BPTF: variants seen among roughly 807,000 people sequenced by gnomAD.
BPTF encodes bromodomain PHD finger transcription factor.
In BPTF, 18 loss-of-function variants were observed where a neutral mutation model predicts 292.5. That is an observed-to-expected ratio of 0.06 (90% CI 0.04 to 0.09). The LOEUF (loss-of-function observed/expected upper bound fraction) is 0.09. Ranked by LOEUF, BPTF falls within the 10% of genes least tolerant of loss-of-function variation. The pLI, the probability that BPTF is intolerant of heterozygous loss-of-function variation, is 1.00. For synonymous variants in BPTF, 1,225 were observed against 1,251.9 expected, an observed-to-expected ratio of 0.98 and a Z score of 0.45; for missense variants, 2,726 against 3,498.7, an observed-to-expected ratio of 0.78 and a Z score of 5.57.
intron 17 of BPTF, among the ~76,000 whole-genome samples, chr17:67,930,630 A>G (rs2064296094): frequency 6.6e-6 from 1 of 152,170 alleles, no homozygotes. Flanking sequence ...AAAATAAAAT[A>G]CTTTCTAGTT....
intron 22 of BPTF, 69 bp downstream of exon 22, chr17:67,947,877 G>C: frequency 7.0e-7 from 1 of 1,426,622 alleles, no homozygotes; most frequent in Non-Finnish European, 9.5e-7. Flanking sequence ...ACAGAGTTCT[G>C]AGTTTATACT....
rs1268166518 is a variant in BPTF, at chr17:67,931,927, A to G, written c.6167A>G (p.Gln2056Arg). The change falls in exon 18 of 28, where the codon CAG (glutamine) becomes CGG (arginine). Residue 2056 changes from glutamine (Q) to arginine (R), a missense_variant. Transcript: ENST00000306378. Reference protein sequence around the residue: ...TSNSQVITGPQIRPGMTVIRT... With the variant: ...TSNSQVITGPRIRPGMTVIRT... ...CATTTATAGGTAATCACAGGGCCTC[A>G]GATTCGCCCTGGTATGACCGTGATT... The G allele has an allele frequency of 6.2e-7, 1 of 1,612,890 alleles. No individual in the cohort carries two copies. The highest frequency in any genetic ancestry group is 8.5e-7 in the Non-Finnish European group (1 of 1,179,542).
chr17:67,862,588 C>G (rs546261167), intron 2 of BPTF, among the ~76,000 whole-genome samples: 1 of 152,074 alleles, frequency 6.6e-6, no homozygotes, highest in Non-Finnish European at 1.5e-5. Context: ...GCTGCTTGAC[C>G]AAGAGCTTAG....
rs1283300627 is a variant in BPTF at position 67,918,800 on chromosome 17, C to T, written c.5390C>T (p.Ala1797Val). 4.3e-6 allele frequency: 7 copies of T among 1,613,350 alleles called. No homozygotes were observed. Among genetic ancestry groups the T allele is most frequent in the African/African-American group, 1.3e-5 (1 of 74,832 alleles). ...GCAAGTTTGAGATGGGATGATATGG[C>T]GGCCAAGGCTCCTCCAGGAGGAGGG... ...LWASLRWDDMAAKAPPGGGTT... is the reference protein window; with the variant it reads ...LWASLRWDDMVAKAPPGGGTT... Residue 1797 changes from alanine (A) to valine (V), a missense_variant, in exon 12 of 28, where the codon GCG becomes GTG. Ala to Val is a moderately conservative substitution (Grantham distance 64). This residue lies in a region of BPTF where 198 missense variants were observed against 277.1 expected (regional missense o/e 0.71). Coordinates refer to ENST00000306378, the MANE Select transcript of BPTF (RefSeq NM_182641.4).
At chr17:67,971,542 A>T (rs1264669470) in intron 26 of BPTF, among the ~76,000 whole-genome samples, 1 of 151,792 alleles carries the variant, frequency 6.6e-6, no homozygotes, top group East Asian at 1.9e-4. Flanking sequence ...ACGGTGGCTC[A>T]TGCCTGTAAT....
At chr17:67,896,046 T>G (rs1487475493) in intron 7 of BPTF, among the ~76,000 whole-genome samples, 2 of 150,182 alleles carry the variant, frequency 1.3e-5, no homozygotes, top group African/African-American at 2.5e-5. Flanking sequence ...TCACTGCAGC[T>G]CCGCCTCCCG....
At chr17:67,855,478 C>T (rs2058636117) in intron 2 of BPTF, among the ~76,000 whole-genome samples, 1 of 152,020 alleles carries the variant, frequency 6.6e-6, no homozygotes. Context: ...AAGAAAATAC[C>T]TAGTTGTCTA....
chr17:67,901,445 A>G (rs944910930), intron 7 of BPTF, among the ~76,000 whole-genome samples: 1 of 152,234 alleles, frequency 6.6e-6, no homozygotes, highest in African/African-American at 2.4e-5. Flanking sequence ...GTGGATACAT[A>G]TATTTAAAAT....
intron 26 of BPTF, chr17:67,975,128 A>G (rs181877797): frequency 2.0e-5 from 3 of 152,296 alleles, no homozygotes; most frequent in Admixed American, 2.0e-4. Context: ...GGGGACAAAA[A>G]CCAAATATAT....
intron 1 of BPTF, among the ~76,000 whole-genome samples, chr17:67,826,996 T>C (rs1409742674): frequency 6.6e-6 from 1 of 152,192 alleles, no homozygotes; most frequent in Non-Finnish European, 1.5e-5. Flanking sequence ...TGCTGTTAAA[T>C]GGCTGATTAA....
chr17:67,885,259 C>G (rs1371187134), intron 4 of BPTF, among the ~76,000 whole-genome samples: 2 of 152,142 alleles, frequency 1.3e-5, no homozygotes, highest in Non-Finnish European at 2.9e-5. Context: ...GAACTATACT[C>G]TTAGTGATAC....
chr17:67,844,395 C>T (rs1056371411), intron 1 of BPTF, among the ~76,000 whole-genome samples: 1 of 151,176 alleles, frequency 6.6e-6, no homozygotes, highest in Non-Finnish European at 1.5e-5. Context: ...CTACAGGCGC[C>T]CGCCACCACG....
chr17:67,923,611 C>G (rs1396127892), intron 14 of BPTF, among the ~76,000 whole-genome samples: 2 of 148,204 alleles, frequency 1.3e-5, no homozygotes, highest in Non-Finnish European at 3.0e-5. Flanking sequence ...TCCTGAGTAG[C>G]TGGGATTACG....
chr17:67,876,159 G>A (rs905662758), intron 4 of BPTF, among the ~76,000 whole-genome samples: 9 of 152,130 alleles, frequency 5.9e-5, no homozygotes, highest in Admixed American at 1.3e-4. Flanking sequence ...ATTTCAAACC[G>A]TAGTATTATG....
intron 2 of BPTF, among the ~76,000 whole-genome samples, chr17:67,865,525 A>G (rs752996633): frequency 3.3e-5 from 5 of 152,330 alleles, no homozygotes; most frequent in Middle Eastern, 3.4e-3. Context: ...CCATGTCCAC[A>G]TATCTTACAA....
chr17:67,854,055 A>G lies in BPTF; in HGVS notation c.729A>G (p.Ile243Met). 1 of 1,614,190 alleles carries G rather than the reference A, an allele frequency of 6.2e-7. No homozygotes were observed. Among genetic ancestry groups the G allele is most frequent in the Non-Finnish European group, 8.5e-7 (1 of 1,180,034 alleles). Residue 243 changes from isoleucine (I) to methionine (M), a missense_variant, in exon 2 of 28, where the codon ATA becomes ATG. Physicochemically the swap from Ile to Met is conservative, Grantham distance 10. Around this residue, in one of 22 missense-constraint regions of BPTF, gnomAD observed 102 missense variants for 212.6 expected, o/e 0.48. Coordinates refer to ENST00000306378, the MANE Select transcript of BPTF (RefSeq NM_182641.4). This position sits in a 1 kb window ranked among gnomAD's most constrained non-coding sequence, Gnocchi z 5.6. ...ATTTAATGGTGCCTAATGAGCATAT[A>G]ATGAATGTCATTGCCATTTACGAGG... is the stretch of plus-strand genomic sequence containing the variant. ...SEDLMVPNEH[I>M]MNVIAIYEVL...
intron 18 of BPTF, among the ~76,000 whole-genome samples, chr17:67,938,897 A>G (rs1385182529): frequency 6.6e-6 from 1 of 152,246 alleles, no homozygotes. Flanking sequence ...ATGAAGAACA[A>G]TGACTTAAAA....
intron 4 of BPTF, among the ~76,000 whole-genome samples, chr17:67,878,732 G>A (rs577477599): frequency 1.3e-5 from 2 of 151,990 alleles, no homozygotes; most frequent in African/African-American, 4.8e-5. Flanking sequence ...CTTTTGGGAG[G>A]TACCTGTCTG....
chr17:67,929,383 A>G lies in BPTF; in HGVS notation c.6046A>G (p.Thr2016Ala). ...AGTCCTGGGTATCATTCCATCAAGTACAGGTACCAGTCAGCAAACCTTTAC... is the reference window on the plus strand; with the variant it reads ...AGTCCTGGGTATCATTCCATCAAGTGCAGGTACCAGTCAGCAAACCTTTAC... ...QKVLGIIPSS[T>A]GTSQQTFTSF... The change falls in exon 17 of 28, where the codon ACA (threonine) becomes GCA (alanine). Residue 2016 changes from threonine to alanine, a missense_variant. Transcript: ENST00000306378. 1 of 1,614,180 alleles carries G rather than the reference A, an allele frequency of 6.2e-7. No homozygotes were observed.
Sources: gnomAD v4.1 joint callset for allele counts (sites outside exome capture counted in the v4.1 genomes callset) on GRCh38, gnomAD v4.1.1 for gene constraint, gnomAD v4.1.1 regional missense constraint, Gnocchi (gnomAD v3.1) non-coding constraint, MANE v1.5 for transcripts, NCBI Gene and HGNC (gene_info 2026-07-23, HGNC 2026-07-21) for gene names.